CLEC2A: variants seen among roughly 807,000 people sequenced by gnomAD.
CLEC2A encodes keratinocyte-associated C-type lectin.
Under a neutral mutation model 18.6 loss-of-function variants are expected in CLEC2A, and 19 were observed. The ratio of observed to expected loss-of-function variants is 1.02; its 90% CI spans 0.71 to 1.50. CLEC2A has a LOEUF of 1.50. Ranked by LOEUF, CLEC2A falls within the 40% of genes most tolerant of loss-of-function variation. The pLI, the probability that CLEC2A is intolerant of heterozygous loss-of-function variation, is 0.00. For missense variants in CLEC2A, 190 were observed against 207.9 expected, an observed-to-expected ratio of 0.91 and a Z score of 0.53; for synonymous variants, 74 against 64.0, an observed-to-expected ratio of 1.16 and a Z score of -0.75.
At chr12:9,905,259 C>G (rs137969574) in intron 4 of CLEC2A, among the ~76,000 whole-genome samples, 227 of 152,266 alleles carry the variant, frequency 1.5e-3, no homozygotes, top group African/African-American at 5.3e-3. Context: ...CTGTGCGGTG[C>G]TTTCTATAAT....
At chr12:9,926,169 T>C in intron 2 of CLEC2A, 91 bp downstream of exon 2, 1 of 771,792 alleles carries the variant, frequency 1.3e-6, no homozygotes, top group Non-Finnish European at 2.1e-6. Flanking sequence ...TTAATCACTC[T>C]AGATGTGGGA....
chr12:9,898,864 A>G (rs983463337), exon 5 of CLEC2A: 6 of 707,044 alleles, frequency 8.5e-6, no homozygotes, highest in Admixed American at 4.0e-5. Flanking sequence ...GACAGGGGAC[A>G]TTGTTTTGGG....
rs526680 is a variant in CLEC2A, at chr12:9,916,703, C to T, written c.407G>A (p.Gly136Asp). The T allele has an allele frequency of 0.63, 966,374 of 1,528,860 alleles. 309,691 individuals are homozygous for T. The highest frequency in any genetic ancestry group is 0.69 in the Middle Eastern group (4,073 of 5,942). 94.7% of individuals were successfully genotyped at this position (1,528,860 alleles called of 1,614,324 possible). Residue 136 changes from glycine (G) to aspartate (D), a missense_variant, in exon 4 of 5, where the codon GGT becomes GAT. Physicochemically the swap from Gly to Asp is moderately conservative, Grantham distance 94. Coordinates refer to ENST00000455827, the MANE Select transcript of CLEC2A (RefSeq NM_001130711.2). ...TGCTAATACATTGGAAACTCACCAACCATTGAATGTGGTGCCATTTGTCCA... is the reference window on the plus strand; with the variant it reads ...TGCTAATACATTGGAAACTCACCAATCATTGAATGTGGTGCCATTTGTCCA... The part of the protein sequence containing the change: ...WKWTNGTTFN[G>D]WFEIIGNGSF...
chr12:9,896,567 C>T (rs766107510), downstream of CLEC2A, among the ~76,000 whole-genome samples: 18 of 151,770 alleles, frequency 1.2e-4, no homozygotes, highest in Admixed American at 5.2e-4. Flanking sequence ...ATTTCTTTTC[C>T]TATCCAAATA....
downstream of CLEC2A, among the ~76,000 whole-genome samples, chr12:9,896,913 G>T (rs1862763065): frequency 6.8e-6 from 1 of 146,642 alleles, no homozygotes; most frequent in Admixed American, 6.9e-5. Context: ...AGGTTGGAGT[G>T]CAGTGGTGCA....
At chr12:9,926,067 T>G (rs1265274607) in intron 2 of CLEC2A, among the ~76,000 whole-genome samples, 193 bp downstream of exon 2, 1 of 152,224 alleles carries the variant, frequency 6.6e-6, no homozygotes, top group Admixed American at 6.5e-5. Flanking sequence ...ATAATTCTAT[T>G]GTAAAACTGA....
the CLEC2A span, among the ~76,000 whole-genome samples, chr12:9,886,853 T>C: frequency 2.7e-5 from 4 of 150,520 alleles, no homozygotes; most frequent in Admixed American, 1.3e-4. Flanking sequence ...TATGGACTGG[T>C]GGTCGGTGCA....
intron 4 of CLEC2A, among the ~76,000 whole-genome samples, chr12:9,902,998 G>C (rs1037244807): frequency 1.3e-5 from 2 of 152,164 alleles, no homozygotes; most frequent in African/African-American, 4.8e-5. Flanking sequence ...ATAAGGAAAG[G>C]AATGTAGAGT....
intron 1 of CLEC2A, among the ~76,000 whole-genome samples, chr12:9,931,837 G>A (rs1385079715): frequency 2.0e-5 from 3 of 152,060 alleles, no homozygotes. Context: ...GTTTGTTTAT[G>A]TTTCAATCCA....
intron 3 of CLEC2A, among the ~76,000 whole-genome samples, chr12:9,917,522 T>C (rs1863092612): frequency 6.6e-6 from 1 of 152,218 alleles, no homozygotes; most frequent in African/African-American, 2.4e-5. Flanking sequence ...AATCCAAATA[T>C]ACATGTCAGT....
the CLEC2A span, chr12:9,893,390 T>C: frequency 7.6e-6 from 8 of 1,054,566 alleles, no homozygotes; most frequent in South Asian, 7.6e-5. Flanking sequence ...AAAATTTTTT[T>C]AAACAAATGA....
At chr12:9,905,417 A>T (rs542005562) in intron 4 of CLEC2A, among the ~76,000 whole-genome samples, 3 of 152,230 alleles carry the variant, frequency 2.0e-5, no homozygotes, top group Non-Finnish European at 4.4e-5. Context: ...TTCAGAGACA[A>T]GAGAAAGTGG....
At chr12:9,884,920 A>G in the CLEC2A span, 1 of 927,352 alleles carries the variant, frequency 1.1e-6, no homozygotes, top group Non-Finnish European at 1.5e-6. Context: ...GAATTCTAAA[A>G]TTCAACATTT....
chr12:9,908,809 G>A (rs1294839788), downstream of CLEC2A, among the ~76,000 whole-genome samples: 2 of 152,132 alleles, frequency 1.3e-5, no homozygotes, highest in South Asian at 2.1e-4. Context: ...ATGAGGTCCC[G>A]GATCCTTTAA....
At chr12:9,900,818 G>T (rs1031264569) in intron 4 of CLEC2A, among the ~76,000 whole-genome samples, 5 of 152,192 alleles carry the variant, frequency 3.3e-5, no homozygotes, top group Admixed American at 2.6e-4. Flanking sequence ...CTCCTTAAAG[G>T]CAAGCTTACC....
chr12:9,888,706 C>G, the CLEC2A span: 1 of 1,339,178 alleles, frequency 7.5e-7, no homozygotes. Flanking sequence ...AAATGTTTCT[C>G]ATATCTTTTC....
chr12:9,886,666 T>G, the CLEC2A span, among the ~76,000 whole-genome samples: 1 of 149,964 alleles, frequency 6.7e-6, no homozygotes. Context: ...TGAAGCAAAC[T>G]AATTAAGTGA....
the CLEC2A span, among the ~76,000 whole-genome samples, chr12:9,886,464 T>C: frequency 1.3e-4 from 20 of 152,192 alleles, no homozygotes; most frequent in Middle Eastern, 3.4e-3. Flanking sequence ...GGGGAGAACC[T>C]TAGTTCAAAT....
At chr12:9,898,062 G>A (rs527933869), downstream of CLEC2A, among the ~76,000 whole-genome samples, 120 of 152,278 alleles carry the variant, frequency 7.9e-4, no homozygotes, top group Admixed American at 2.0e-3. Flanking sequence ...GTATTTGAAG[G>A]AATTTGCCAT....
Sources: allele counts gnomAD v4.1 joint callset (sites outside exome capture counted in the v4.1 genomes callset), GRCh38; gene constraint gnomAD v4.1.1; transcripts MANE v1.5; gene names NCBI Gene and HGNC (gene_info 2026-07-23, HGNC 2026-07-21).